The following LDB2 variants were observed in gnomAD, a reference collection of about 807,000 sequenced individuals.
LDB2 encodes the protein LIM domain-binding protein 2.
A neutral mutation model predicts 44.3 loss-of-function variants in LDB2; 12 were observed. The observed-to-expected ratio is 0.27, with a 90% CI of 0.17 to 0.44. The LOEUF (loss-of-function observed/expected upper bound fraction) is 0.44. Among genes scored for constraint, LDB2 ranks in the 20% least tolerant of loss-of-function variants. The pLI is 1.00. For missense variants in LDB2, 344 were observed against 473.5 expected, an observed-to-expected ratio of 0.73 and a Z score of 2.54; for synonymous variants, 164 against 174.8, an observed-to-expected ratio of 0.94 and a Z score of 0.49.
chr4:16,705,502 T>C (rs758144613), intron 2 of LDB2, among the ~76,000 whole-genome samples: 1 of 152,096 alleles, frequency 6.6e-6, no homozygotes, highest in Non-Finnish European at 1.5e-5. Flanking sequence ...AAAGCTGCTA[T>C]CCCAAGGAGA....
intron 2 of LDB2, among the ~76,000 whole-genome samples, chr4:16,630,715 T>C (rs886315049): frequency 1.3e-5 from 2 of 152,072 alleles, no homozygotes; most frequent in African/African-American, 4.8e-5. Context: ...AAGATGCACA[T>C]AGGCTCAAAG....
At chr4:16,770,056 G>A (rs1770306715) in intron 1 of LDB2, among the ~76,000 whole-genome samples, 1 of 152,168 alleles carries the variant, frequency 6.6e-6, no homozygotes, top group Non-Finnish European at 1.5e-5. Flanking sequence ...AAACAGAAAT[G>A]TTAGTTAGAA....
chr4:16,836,743 T>C (rs989088810), intron 1 of LDB2, among the ~76,000 whole-genome samples: 2 of 152,134 alleles, frequency 1.3e-5, no homozygotes, highest in African/African-American at 2.4e-5. Context: ...TTTACACACA[T>C]GGAATTATTG....
chr4:16,508,776 G>C, intron 6 of LDB2, 90 bp from the exon 7 acceptor site: 1 of 1,254,064 alleles, frequency 8.0e-7, no homozygotes, highest in Non-Finnish European at 1.1e-6. Context: ...AGCTGTCTTG[G>C]TAAACTGAAG....
chr4:16,813,946 A>G (rs992422416), intron 1 of LDB2, among the ~76,000 whole-genome samples: 78 of 149,704 alleles, frequency 5.2e-4, no homozygotes, highest in Non-Finnish European at 1.5e-4. Context: ...ATCTCGGCTC[A>G]CTGCAAGCTC....
chr4:16,536,867 C>T (rs905366655), intron 5 of LDB2, among the ~76,000 whole-genome samples: 17 of 152,208 alleles, frequency 1.1e-4, no homozygotes, highest in Admixed American at 9.2e-4. Context: ...AGGCCAGTTA[C>T]TCAGTCTCTG....
intron 2 of LDB2, among the ~76,000 whole-genome samples, chr4:16,625,551 T>A (rs1730054179): frequency 6.6e-6 from 1 of 152,036 alleles, no homozygotes; most frequent in African/African-American, 2.4e-5. Flanking sequence ...AATAAATGAG[T>A]TACACCTAAA....
intron 3 of LDB2, among the ~76,000 whole-genome samples, chr4:16,591,143 TGTCA>T (rs1310588721): frequency 6.6e-6 from 1 of 152,212 alleles, no homozygotes; most frequent in Non-Finnish European, 1.5e-5. Context: ...CTTAGTTAAA[TGTCA>T]GTGTTTAAAA....
intron 2 of LDB2, among the ~76,000 whole-genome samples, chr4:16,714,793 C>T (rs142539613): frequency 7.6e-4 from 115 of 152,194 alleles, no homozygotes; most frequent in African/African-American, 2.5e-3. Context: ...GGCTTATAGA[C>T]ACATCACCCT....
chr4:16,547,182 G>A (rs1736053918), intron 5 of LDB2, among the ~76,000 whole-genome samples: 1 of 152,162 alleles, frequency 6.6e-6, no homozygotes, highest in Non-Finnish European at 1.5e-5. Context: ...AGACAGCCGT[G>A]TGAAGAGACC....
At chr4:16,699,128 G>A (rs1166697228) in intron 2 of LDB2, among the ~76,000 whole-genome samples, 1 of 152,198 alleles carries the variant, frequency 6.6e-6, no homozygotes, top group Non-Finnish European at 1.5e-5. Flanking sequence ...AATAAAGAGA[G>A]GTCAAGAGCA....
chr4:16,586,861 G>A (rs924419293), intron 4 of LDB2, among the ~76,000 whole-genome samples: 1 of 152,158 alleles, frequency 6.6e-6, no homozygotes, highest in Non-Finnish European at 1.5e-5. Context: ...AGAGGGAGAT[G>A]GATGTAAACA....
chr4:16,807,628 T>G (rs1309061086), intron 1 of LDB2, among the ~76,000 whole-genome samples: 1 of 152,236 alleles, frequency 6.6e-6, no homozygotes, highest in Non-Finnish European at 1.5e-5. Flanking sequence ...TTTGCTATAC[T>G]GCAGAAAACC....
intron 7 of LDB2, 134 bp downstream of exon 7, chr4:16,508,401 C>A: frequency 6.3e-6 from 5 of 788,700 alleles, no homozygotes. Context: ...CTGTCCCTGT[C>A]TTTTATCCCT....
intron 1 of LDB2, among the ~76,000 whole-genome samples, chr4:16,839,529 C>T (rs1434921755): frequency 6.6e-6 from 1 of 152,114 alleles, no homozygotes; most frequent in East Asian, 1.9e-4. Context: ...GGATACAAAC[C>T]CAGACTATAA....
chr4:16,795,475 G>A (rs905769039), intron 1 of LDB2, among the ~76,000 whole-genome samples: 14 of 152,126 alleles, frequency 9.2e-5, no homozygotes, highest in Non-Finnish European at 1.9e-4. Context: ...GTCCTGCTGG[G>A]CTTTATCTTG....
rs542482517 is a variant in LDB2, at chr4:16,547,698, G to A, written c.616-35594C>T. Among the ~76,000 whole-genome samples the A allele has an allele frequency of 4.6e-5, 7 of 152,272 alleles. No homozygotes were observed. The East Asian group carries it at 5.8e-4, about 13-fold the overall frequency. On this transcript the variant is annotated intron_variant, in intron 5 of 7. Coordinates refer to ENST00000304523, the MANE Select transcript of LDB2 (RefSeq NM_001290.5). ...CCTAATTATAGAGGCAGCAGTGGGA[G>A]GGAGGGGCCCAGCACCCAGACTCTG... is the stretch of plus-strand genomic sequence containing the variant.
intron 1 of LDB2, among the ~76,000 whole-genome samples, chr4:16,766,910 A>T (rs1040069096): frequency 6.6e-6 from 1 of 152,212 alleles, no homozygotes; most frequent in African/African-American, 2.4e-5. Flanking sequence ...TAATAATCTC[A>T]GATAGTTCCT....
intron 1 of LDB2, among the ~76,000 whole-genome samples, chr4:16,862,021 C>A (rs953526894): frequency 4.6e-5 from 7 of 152,150 alleles, no homozygotes; most frequent in African/African-American, 1.7e-4. Flanking sequence ...AAGATGGGTG[C>A]AATGATTCCT....
Sources: allele counts gnomAD v4.1 joint callset (sites outside exome capture counted in the v4.1 genomes callset), GRCh38; gene constraint gnomAD v4.1.1; transcripts MANE v1.5; gene names NCBI Gene and HGNC (gene_info 2026-07-23, HGNC 2026-07-21).